ANO4: variants seen among roughly 807,000 people sequenced by gnomAD.
The protein encoded by ANO4 is anoctamin 4, also known as anoctamin-4.
ANO4 carries 69 observed loss-of-function variants against 141.9 expected under a neutral mutation model. The observed-to-expected ratio is 0.49, with a 90% CI of 0.40 to 0.59. ANO4 has a LOEUF of 0.59. Among genes scored for constraint, ANO4 ranks in the 20% least tolerant of loss-of-function variants. ANO4 has a pLI of 0.00. For missense variants in ANO4, 894 were observed against 1,162.2 expected (o/e 0.77, Z 3.36); for synonymous variants, 350 against 394.3 (o/e 0.89, Z 1.33).
chr12:100,987,637 A>C lies in ANO4; in HGVS notation c.701A>C (p.Tyr234Ser). 1.2e-6 allele frequency: 2 copies of C among 1,614,084 alleles called. No individual in the cohort carries two copies. The highest frequency in any genetic ancestry group is 1.7e-6 in the Non-Finnish European group (2 of 1,179,988). Residue 234 changes from tyrosine (Y) to serine (S), a missense_variant, in exon 8 of 28, where the codon TAC becomes TCC. Physicochemically the swap from Tyr to Ser is moderately radical, Grantham distance 144. This residue lies in a region of ANO4 where 637 missense variants were observed against 909.2 expected (regional missense o/e 0.70). Transcript: ENST00000392977. ...TLPDLEENDC[Y>S]TAPFSQQRIH... ...CCAGACCTGGAGGAGAATGACTGCT[A>C]CACTGCCCCTTTCAGCCAGCAAAGG...
intron 1 of ANO4, among the ~76,000 whole-genome samples, chr12:100,840,198 C>G (rs912947324): frequency 2.0e-5 from 3 of 152,078 alleles, no homozygotes; most frequent in African/African-American, 7.2e-5. Flanking sequence ...CTTTCCTTCT[C>G]AAGGAGGAAT....
intron 1 of ANO4, among the ~76,000 whole-genome samples, chr12:100,851,277 CATTATT>C (rs754086111): frequency 9.9e-5 from 15 of 152,088 alleles, no homozygotes; most frequent in Non-Finnish European, 1.9e-4. Flanking sequence ...ACATTTTAAA[CATTATT>C]ATTAGTGAAG....
At chr12:101,076,155 G>A (rs1209757447) in intron 14 of ANO4, among the ~76,000 whole-genome samples, 3 of 152,190 alleles carry the variant, frequency 2.0e-5, no homozygotes, top group Non-Finnish European at 4.4e-5. Context: ...AAATTCATAT[G>A]TTGAAATCCT....
chr12:100,768,478 G>T (rs2033175283), intron 3 of ANO4, among the ~76,000 whole-genome samples: 1 of 152,200 alleles, frequency 6.6e-6, no homozygotes, highest in Admixed American at 6.5e-5. Flanking sequence ...GCACTGGAGT[G>T]TCCTATTCTG....
intron 15 of ANO4, 33 bp downstream of exon 15, chr12:101,079,308 A>G (rs1364958261): frequency 3.2e-6 from 5 of 1,579,738 alleles, no homozygotes; most frequent in Non-Finnish European, 4.3e-6. Context: ...TGTTGTAAAA[A>G]GCAAATCACC....
intron 1 of ANO4, among the ~76,000 whole-genome samples, chr12:100,819,180 TAAAC>T (rs955922640): frequency 4.6e-5 from 7 of 151,930 alleles, no homozygotes; most frequent in Admixed American, 2.6e-4. Flanking sequence ...TTATATAACA[TAAAC>T]AGAGAAGAAT....
At chr12:101,048,828 G>C (rs2047742303) in intron 14 of ANO4, among the ~76,000 whole-genome samples, 1 of 152,054 alleles carries the variant, frequency 6.6e-6, no homozygotes, top group Non-Finnish European at 1.5e-5. Flanking sequence ...TCTATTCACA[G>C]GACTGATTTG....
intron 14 of ANO4, among the ~76,000 whole-genome samples, chr12:101,077,551 C>T (rs762980664): frequency 3.9e-5 from 6 of 152,128 alleles, no homozygotes; most frequent in Non-Finnish European, 8.8e-5. Context: ...CAGAATAAGA[C>T]ATTTGATTAT....
chr12:100,740,085 C>A (rs2031795800), exon 3 of ANO4: 2 of 702,438 alleles, frequency 2.8e-6, no homozygotes, highest in Admixed American at 2.0e-5. Flanking sequence ...AGCCAGGAAA[C>A]CCTGAGTCAA....
chr12:100,981,686 C>T (rs571769222), intron 7 of ANO4, among the ~76,000 whole-genome samples: 13 of 152,298 alleles, frequency 8.5e-5, no homozygotes, highest in African/African-American at 2.9e-4. Flanking sequence ...CATTAGTGTA[C>T]AGTCCCTCCT....
At chr12:100,988,968 C>T (rs1250617982) in intron 8 of ANO4, among the ~76,000 whole-genome samples, 3 of 151,630 alleles carry the variant, frequency 2.0e-5, no homozygotes, top group Non-Finnish European at 4.4e-5. Context: ...GGACATATTT[C>T]AGCAACAGAA....
intron 1 of ANO4, chr12:100,885,440 T>G (rs1565970506): frequency 6.6e-6 from 1 of 152,286 alleles, no homozygotes; most frequent in Non-Finnish European, 1.5e-5. Flanking sequence ...TTCTCTGACC[T>G]TCCTTTAGCA....
At chr12:100,840,155 C>T (rs979396629) in intron 1 of ANO4, among the ~76,000 whole-genome samples, 2 of 151,808 alleles carry the variant, frequency 1.3e-5, no homozygotes, top group African/African-American at 4.8e-5. Context: ...AATAAAGGGA[C>T]CACTGTCTTA....
At chr12:100,919,479 TA>T (rs2041505937) in intron 2 of ANO4, among the ~76,000 whole-genome samples, 1 of 152,184 alleles carries the variant, frequency 6.6e-6, no homozygotes, top group Non-Finnish European at 1.5e-5. Context: ...TTCAGTGCAG[TA>T]ACATGCTGTA....
intron 3 of ANO4, among the ~76,000 whole-genome samples, chr12:100,750,330 GAC>G (rs2032318210): frequency 6.8e-6 from 1 of 147,248 alleles, no homozygotes; most frequent in African/African-American, 2.5e-5. Context: ...TTTTAGTAGA[GAC>G]AGGGTTTCGT....
upstream of ANO4, chr12:100,717,421 A>G (rs2136700664): frequency 5.2e-6 from 2 of 385,380 alleles, no homozygotes; most frequent in East Asian, 3.7e-5. Context: ...GGGCGCCGCT[A>G]GAGCCAAGCG....
At chr12:100,728,887 A>G (rs2031253498) in intron 1 of ANO4, among the ~76,000 whole-genome samples, 1 of 152,182 alleles carries the variant, frequency 6.6e-6, no homozygotes, top group Non-Finnish European at 1.5e-5. Context: ...ATATAATTAT[A>G]AAATGAATGC....
At position 100,901,631 on chromosome 12, in the gene ANO4, C is replaced by A; in HGVS notation, c.-140-15C>A. 1.3e-6 allele frequency: 1 copy of A among 759,744 alleles called. No individual in the cohort carries two copies. The highest frequency in any genetic ancestry group is 1.4e-5 in the South Asian group (1 of 70,020). 47.1% of individuals were successfully genotyped at this position (759,744 alleles called of 1,614,324 possible). On this transcript the variant is annotated splice_polypyrimidine_tract_variant and intron_variant, in intron 1 of 27. Coordinates refer to ENST00000392977, the MANE Select transcript of ANO4 (RefSeq NM_001286615.2). ...AGTGACTTCTTCAGTCTAATGGTGC[C>A]ATTTCTCATTCCAGGTTTAAGTTTA...
At chr12:101,048,060 A>C (rs945226282) in intron 13 of ANO4, 25 of 1,192,938 alleles carry the variant, frequency 2.1e-5, no homozygotes, top group Admixed American at 3.9e-5. Flanking sequence ...TTTGTTGTGC[A>C]CAAAAGGGGA....
Sources: gnomAD v4.1 joint callset for allele counts (sites outside exome capture counted in the v4.1 genomes callset) on GRCh38, gnomAD v4.1.1 for gene constraint, gnomAD v4.1.1 regional missense constraint, MANE v1.5 for transcripts, NCBI Gene and HGNC (gene_info 2026-07-23, HGNC 2026-07-21) for gene names.